Variants in TTC28 observed in about 807,000 individuals in gnomAD.
TTC28 encodes the protein tetratricopeptide repeat protein 28.
A neutral mutation model predicts 198.0 loss-of-function variants in TTC28; 61 were observed. That is an observed-to-expected ratio of 0.31 (90% CI 0.25 to 0.38). TTC28 has a LOEUF of 0.38. Ranked by LOEUF, TTC28 falls within the 10% of genes least tolerant of loss-of-function variation. The pLI is 1.00. For missense variants in TTC28, 2,678 were observed against 3,164.0 expected, an observed-to-expected ratio of 0.85 and a Z score of 3.69; for synonymous variants, 1,171 against 1,297.8, an observed-to-expected ratio of 0.90 and a Z score of 2.10.
Position 28,005,095 on chromosome 22 carries a change from A to T in TTC28, c.4219-3542T>A, listed in dbSNP as rs559214602. Among the ~76,000 whole-genome samples the T allele has an allele frequency of 2.6e-5, 4 of 152,340 alleles. No individual in the cohort carries two copies. Among genetic ancestry groups the T allele is most frequent in the African/African-American group, 9.6e-5 (4 of 41,586 alleles). On this transcript the variant is annotated intron_variant, in intron 14 of 22. Coordinates refer to ENST00000397906, the MANE Select transcript of TTC28 (RefSeq NM_001145418.2). The surrounding 1 kb of genome is among the most constrained non-coding windows in gnomAD (Gnocchi z 4.9). The stretch of plus-strand genomic sequence containing the variant: ...GTAATGGGATTTCTGAAAGCAGAAG[A>T]TGACAGGGCCAGGTGCACTAGAATC...
At chr22:28,502,917 C>CT (rs1206407366) in intron 2 of TTC28, among the ~76,000 whole-genome samples, 1 of 152,060 alleles carries the variant, frequency 6.6e-6, no homozygotes, top group Non-Finnish European at 1.5e-5. Flanking sequence ...CTAGCTTTGG[C>CT]TTTTTTTGGA....
intron 1 of TTC28, among the ~76,000 whole-genome samples, chr22:28,643,953 G>T (rs1440713276): frequency 1.3e-5 from 2 of 152,136 alleles, no homozygotes; most frequent in Non-Finnish European, 2.9e-5. Flanking sequence ...GCACAAAAAG[G>T]TTAAATAACT....
intron 2 of TTC28, among the ~76,000 whole-genome samples, chr22:28,522,967 T>C (rs1432534244): frequency 2.6e-5 from 4 of 152,136 alleles, no homozygotes; most frequent in East Asian, 1.9e-4. Flanking sequence ...ATAGTGGTGA[T>C]GCATGCAAAA....
chr22:28,484,043 G>A (rs2146328893), intron 2 of TTC28, among the ~76,000 whole-genome samples: 1 of 152,264 alleles, frequency 6.6e-6, no homozygotes, highest in East Asian at 1.9e-4. Flanking sequence ...GCTCTCTGAA[G>A]GCTCTGCTAC....
chr22:28,013,749 A>T (rs974527354), intron 14 of TTC28, among the ~76,000 whole-genome samples: 2 of 152,060 alleles, frequency 1.3e-5, no homozygotes, highest in African/African-American at 4.8e-5. Context: ...CCACGGCCAC[A>T]TCCCCGAGGC....
At chr22:28,283,709 G>A (rs756724334) in intron 5 of TTC28, among the ~76,000 whole-genome samples, 22 of 152,202 alleles carry the variant, frequency 1.4e-4, no homozygotes, top group Middle Eastern at 3.4e-3. Flanking sequence ...GGCATCATCA[G>A]AATATAAAAA....
chr22:28,506,129 A>C (rs2048609509), intron 2 of TTC28, among the ~76,000 whole-genome samples: 1 of 152,092 alleles, frequency 6.6e-6, no homozygotes, highest in African/African-American at 2.4e-5. Flanking sequence ...GGTTCTAAAG[A>C]CAGAGTCCTG....
At chr22:28,422,579 C>T (rs2047275651) in intron 2 of TTC28, among the ~76,000 whole-genome samples, 1 of 151,904 alleles carries the variant, frequency 6.6e-6, no homozygotes, top group Admixed American at 6.6e-5. Context: ...GCTGGGACTA[C>T]AGGTGCCCGC....
intron 2 of TTC28, among the ~76,000 whole-genome samples, chr22:28,346,844 G>A (rs1305477278): frequency 2.6e-5 from 4 of 152,146 alleles, no homozygotes; most frequent in Admixed American, 2.6e-4. Context: ...ACATTGCATT[G>A]CACAGTAACA....
At chr22:28,112,624 T>C (rs764519816) in intron 6 of TTC28, among the ~76,000 whole-genome samples, 3 of 152,144 alleles carry the variant, frequency 2.0e-5, no homozygotes, top group Non-Finnish European at 4.4e-5. Context: ...CATGACACAC[T>C]CTTGGCAGCC....
Position 27,982,323 on chromosome 22 carries a change from G to A in TTC28, c.7344C>T (p.Ala2448=), listed in dbSNP as rs944228145. 1.2e-5 allele frequency: 19 copies of A among 1,528,534 alleles called. No homozygotes were observed. Among genetic ancestry groups the A allele is most frequent in the South Asian group, 3.7e-5 (3 of 80,792 alleles). The allele number at this position is 1,528,534 out of a possible 1,614,324, so 94.7% of individuals were successfully genotyped here. Residue 2448 remains alanine (A), a synonymous_variant, in exon 23 of 23, where the codon GCC becomes GCT. Coordinates refer to ENST00000397906, the MANE Select transcript of TTC28 (RefSeq NM_001145418.2). This position sits in a 1 kb window ranked among gnomAD's most constrained non-coding sequence, Gnocchi z 5.2. ...TTSLGSLPLP[A]GPPATAPARP... ...GCGCGGGGGCTGTGGCGGGAGGGCC[G>A]GCGGGCAGCGGCAGTGAGCCCAGCG...
intron 1 of TTC28, among the ~76,000 whole-genome samples, chr22:28,661,505 G>C (rs1202214201): frequency 6.6e-6 from 1 of 152,070 alleles, no homozygotes; most frequent in African/African-American, 2.4e-5. Context: ...CTGTAGCTTG[G>C]AACTACTGGG....
chr22:28,203,695 C>T (rs1225468128), intron 5 of TTC28, among the ~76,000 whole-genome samples: 1 of 152,202 alleles, frequency 6.6e-6, no homozygotes, highest in Middle Eastern at 3.4e-3. Context: ...TTCTCCACCC[C>T]CAACCACTCC....
intron 2 of TTC28, among the ~76,000 whole-genome samples, chr22:28,442,399 G>A (rs1389009686): frequency 6.6e-6 from 1 of 152,248 alleles, no homozygotes; most frequent in Non-Finnish European, 1.5e-5. Context: ...GGGCTGGTGT[G>A]CTGGGGCTGC....
intron 2 of TTC28, among the ~76,000 whole-genome samples, chr22:28,407,308 C>A (rs2047011979): frequency 6.6e-6 from 1 of 152,140 alleles, no homozygotes; most frequent in South Asian, 2.1e-4. Flanking sequence ...ACAAGCACAG[C>A]AATACTAACT....
chr22:28,094,405 G>T (rs546491488), intron 11 of TTC28, among the ~76,000 whole-genome samples, 160 bp from the exon 12 acceptor site: 3 of 152,208 alleles, frequency 2.0e-5, no homozygotes, highest in Non-Finnish European at 4.4e-5. Context: ...GGTCTCAAGA[G>T]GGCTTTCTCT....
chr22:28,557,220 G>A (rs2049800200), intron 2 of TTC28, among the ~76,000 whole-genome samples: 1 of 152,126 alleles, frequency 6.6e-6, no homozygotes. Flanking sequence ...AATAATTTTA[G>A]AAAATTTTCA....
intron 13 of TTC28, among the ~76,000 whole-genome samples, chr22:28,021,995 C>G (rs905364488): frequency 2.0e-5 from 3 of 152,230 alleles, no homozygotes; most frequent in African/African-American, 4.8e-5. Flanking sequence ...CCTCTTCCAG[C>G]CCTCAGCCCC....
intron 2 of TTC28, among the ~76,000 whole-genome samples, chr22:28,338,708 C>A (rs1470955094): frequency 1.3e-5 from 2 of 152,114 alleles, no homozygotes; most frequent in African/African-American, 4.8e-5. Flanking sequence ...TTAAGGACTT[C>A]TCTGCATTGG....
Sources: gnomAD v4.1 joint callset for allele counts (sites outside exome capture counted in the v4.1 genomes callset) on GRCh38, gnomAD v4.1.1 for gene constraint, Gnocchi (gnomAD v3.1) non-coding constraint, MANE v1.5 for transcripts, NCBI Gene and HGNC (gene_info 2026-07-23, HGNC 2026-07-21) for gene names.